Variants in PHF2 observed in about 807,000 individuals in gnomAD.
The protein encoded by PHF2 is PHD finger protein 2.
PHF2 carries 27 observed loss-of-function variants against 120.5 expected under a neutral mutation model. The observed-to-expected ratio is 0.22, with a 90% CI of 0.17 to 0.31. The LOEUF is 0.31. Among genes scored for constraint, PHF2 ranks in the 10% least tolerant of loss-of-function variants. The pLI is 1.00. For synonymous variants in PHF2, 568 were observed against 592.5 expected (o/e 0.96, Z 0.60); for missense variants, 1,024 against 1,434.8 (o/e 0.71, Z 4.63).
intron 1 of PHF2, among the ~76,000 whole-genome samples, chr9:93,609,552 G>A (rs1415705394): frequency 6.8e-6 from 1 of 147,650 alleles, no homozygotes; most frequent in Admixed American, 6.7e-5. Flanking sequence ...ATTCTAGGTT[G>A]GTTTTTTTTT....
chr9:93,600,761 C>A (rs540259373), intron 1 of PHF2, among the ~76,000 whole-genome samples: 27 of 152,300 alleles, frequency 1.8e-4, no homozygotes, highest in African/African-American at 6.5e-4. Context: ...CAGACCCTGC[C>A]CTGAAGGGGA....
chr9:93,598,292 C>T (rs558638607), intron 1 of PHF2, among the ~76,000 whole-genome samples: 4 of 152,318 alleles, frequency 2.6e-5, no homozygotes, highest in Non-Finnish European at 4.4e-5. Context: ...CATTTAATCG[C>T]GATTCACTCC....
Position 93,665,970 on chromosome 9 carries a change from G to A in PHF2, c.2117-20G>A, listed in dbSNP as rs762838600. 1 of 1,613,138 alleles carries A rather than the reference G, an allele frequency of 6.2e-7. No homozygotes were observed. On this transcript the variant is annotated intron_variant, in intron 15 of 21. Transcript: ENST00000359246. ...TCCCCGCAAGGCCTCCCGCTGGACT[G>A]CCATCTGCTGTGCTTTCAGTCTTGT...
intron 1 of PHF2, among the ~76,000 whole-genome samples, chr9:93,598,862 C>T (rs897265265): frequency 1.3e-5 from 2 of 152,226 alleles, no homozygotes; most frequent in Non-Finnish European, 2.9e-5. Context: ...TCACCACATC[C>T]TGTAAGCCCC....
chr9:93,588,247 C>T (rs1332818155), intron 1 of PHF2, among the ~76,000 whole-genome samples: 2 of 152,170 alleles, frequency 1.3e-5, no homozygotes, highest in African/African-American at 2.4e-5. Context: ...CACTTCCTGT[C>T]GCAGGTGTAC....
chr9:93,618,506 G>A (rs1236944638), intron 1 of PHF2, among the ~76,000 whole-genome samples: 1 of 152,204 alleles, frequency 6.6e-6, no homozygotes, highest in East Asian at 1.9e-4. Flanking sequence ...ACATGCATGT[G>A]CATAGATATG....
chr9:93,671,099 G>C (rs1157998306), intron 17 of PHF2: 2 of 966,190 alleles, frequency 2.1e-6, no homozygotes, highest in African/African-American at 3.7e-5. Context: ...TGCAGGTGTA[G>C]ACGCAGGTGG....
intron 2 of PHF2, among the ~76,000 whole-genome samples, chr9:93,632,220 C>T (rs1025631103): frequency 6.6e-6 from 1 of 152,206 alleles, no homozygotes; most frequent in Non-Finnish European, 1.5e-5. Flanking sequence ...TGCAGGCTCC[C>T]CTTCCTGTCT....
At chr9:93,629,428 G>T (rs942059835) in intron 1 of PHF2, among the ~76,000 whole-genome samples, 3 of 152,184 alleles carry the variant, frequency 2.0e-5, no homozygotes, top group Non-Finnish European at 4.4e-5. Flanking sequence ...AGGAACTCCA[G>T]GGAGGGAATG....
At chr9:93,663,087 G>A (rs1022480954) in intron 13 of PHF2, 61 bp downstream of exon 13, 19 of 1,601,366 alleles carry the variant, frequency 1.2e-5, no homozygotes, top group African/African-American at 2.7e-5. Context: ...GTGAGCAGAG[G>A]TGAATCTGTG....
intron 1 of PHF2, among the ~76,000 whole-genome samples, chr9:93,608,397 A>AGT (rs1053240168): frequency 8.5e-6 from 1 of 118,272 alleles, no homozygotes; most frequent in Non-Finnish European, 1.9e-5. Context: ...ATTGATTGGT[A>AGT]GTTTTTTTTT....
chr9:93,669,389 TAGGC>T (rs1257608403), intron 17 of PHF2, among the ~76,000 whole-genome samples: 1 of 152,242 alleles, frequency 6.6e-6, no homozygotes, highest in East Asian at 1.9e-4. Context: ...TGCGCTCACT[TAGGC>T]AGGCCTTCAG....
At chr9:93,616,866 G>A (rs1428395556) in intron 1 of PHF2, among the ~76,000 whole-genome samples, 3 of 152,064 alleles carry the variant, frequency 2.0e-5, no homozygotes, top group Admixed American at 6.5e-5. Context: ...ATGTTGGCCA[G>A]GCTAGTCTTG....
chr9:93,675,588 C>T (rs1826895033), intron 19 of PHF2, 92 bp from the exon 20 acceptor site: 1 of 949,182 alleles, frequency 1.1e-6, no homozygotes, highest in Non-Finnish European at 1.6e-6. Context: ...GCCAGGGGGA[C>T]AGGCTGGGGT....
intron 1 of PHF2, among the ~76,000 whole-genome samples, chr9:93,602,399 C>T (rs1013307852): frequency 4.6e-5 from 7 of 151,728 alleles, no homozygotes; most frequent in African/African-American, 1.7e-4. Flanking sequence ...ATTACAGGCA[C>T]ACACCGCCAC....
At chr9:93,659,290 TG>T (rs1219056324) in intron 10 of PHF2, among the ~76,000 whole-genome samples, 62 of 152,364 alleles carry the variant, frequency 4.1e-4, no homozygotes, top group African/African-American at 1.4e-3. Flanking sequence ...CTGCTGGTGG[TG>T]GCCTCAGGCA....
At chr9:93,631,638 G>C (rs1826003667) in intron 2 of PHF2, among the ~76,000 whole-genome samples, 1 of 152,206 alleles carries the variant, frequency 6.6e-6, no homozygotes, top group Non-Finnish European at 1.5e-5. Flanking sequence ...GGGCCAAGCT[G>C]TCTTTACGAC....
intron 1 of PHF2, among the ~76,000 whole-genome samples, chr9:93,612,500 T>C (rs1825653540): frequency 6.6e-6 from 1 of 152,250 alleles, no homozygotes; most frequent in Admixed American, 6.5e-5. Context: ...GCTTCTCATA[T>C]GGTAAAAAGC....
At position 93,678,015 on chromosome 9, in the gene PHF2, A is replaced by G; in HGVS notation, c.*339A>G. ...GGGCCTCTGCAGCTCTGCTGAGAGC[A>G]TGAGTCCTTCAAGGAAGACAGAGTG... On this transcript the variant is annotated 3_prime_UTR_variant, in exon 22 of 22. Transcript: ENST00000359246. 1 of 243,624 alleles carries G rather than the reference A, an allele frequency of 4.1e-6. No homozygotes were observed. Among genetic ancestry groups the G allele is most frequent in the Non-Finnish European group, 7.9e-6 (1 of 125,886 alleles). The allele number at this position is 243,624 out of a possible 1,614,324, so 15.1% of individuals were successfully genotyped here. A position where few individuals can be genotyped will look rare whatever the true frequency, so the allele number is the denominator to read the frequency against.
Sources: gnomAD v4.1 joint callset for allele counts (sites outside exome capture counted in the v4.1 genomes callset) on GRCh38, gnomAD v4.1.1 for gene constraint, MANE v1.5 for transcripts, NCBI Gene and HGNC (gene_info 2026-07-23, HGNC 2026-07-21) for gene names.